The following ZNF483 variants were observed in gnomAD, a reference collection of about 807,000 sequenced individuals.
The protein encoded by ZNF483 is zinc finger protein 483.
A neutral mutation model predicts 28.6 loss-of-function variants in ZNF483; 9 were observed. That is an observed-to-expected ratio of 0.32 (90% confidence interval 0.19 to 0.55). ZNF483 has a LOEUF of 0.55. ZNF483 is among the 20% of genes least tolerant of loss of function. ZNF483 has a pLI of 0.93. For synonymous variants in ZNF483, 322 were observed against 306.2 expected, an observed-to-expected ratio of 1.05 and a Z score of -0.54; for missense variants, 675 against 871.7, an observed-to-expected ratio of 0.77 and a Z score of 2.84.
downstream of ZNF483, among the ~76,000 whole-genome samples, chr9:111,556,134 C>G (rs1199246181): frequency 6.6e-6 from 1 of 152,238 alleles, no homozygotes; most frequent in African/African-American, 2.4e-5. Context: ...GGGCTACAGG[C>G]CCCATGCAAG....
chr9:111,560,438 C>T (rs1169269897), intron 5 of ZNF483, among the ~76,000 whole-genome samples: 4 of 143,062 alleles, frequency 2.8e-5, no homozygotes, highest in Admixed American at 2.1e-4. Flanking sequence ...CAGGCCACTG[C>T]ACTCCAGCCT....
downstream of ZNF483, among the ~76,000 whole-genome samples, chr9:111,557,810 T>C (rs1828168053): frequency 2.0e-5 from 3 of 152,200 alleles, no homozygotes; most frequent in South Asian, 6.2e-4. Flanking sequence ...ACAACTTCTT[T>C]ACCCTTGGTA....
rs1827716624 is a variant in ZNF483 at position 111,543,260 on chromosome 9, C to G, written c.*90C>G. 6.8e-7 allele frequency: 1 copy of G among 1,474,508 alleles called. No homozygotes were observed. Among genetic ancestry groups the G allele is most frequent in the Non-Finnish European group, 8.9e-7 (1 of 1,119,722 alleles). 91.3% of individuals were successfully genotyped at this position (1,474,508 alleles called of 1,614,324 possible). ...GTAAACTTACAGTATTGATCAGTAG[C>G]TGCAGCTTTCGTAAATTGGCAGTTA... On this transcript the variant is annotated 3_prime_UTR_variant, in exon 6 of 6. Coordinates refer to ENST00000309235, the MANE Select transcript of ZNF483 (RefSeq NM_133464.5).
intron 5 of ZNF483, among the ~76,000 whole-genome samples, chr9:111,568,283 G>C (rs1045548289): frequency 6.6e-6 from 1 of 152,122 alleles, no homozygotes; most frequent in Non-Finnish European, 1.5e-5. Flanking sequence ...ATGCATTCCT[G>C]GGGGAGGTCT....
At chr9:111,529,726 G>T (rs1316569550) in intron 2 of ZNF483, among the ~76,000 whole-genome samples, 1 of 152,222 alleles carries the variant, frequency 6.6e-6, no homozygotes, top group Non-Finnish European at 1.5e-5. Flanking sequence ...TTTTATATGA[G>T]CTAAGAGGAA....
chr9:111,527,658 A>T lies in ZNF483; in HGVS notation c.263A>T (p.Lys88Ile). ...TGGCTGAGACCAGACATTCACACGA[A>T]AGAACAGATTTTAGAGCTTCTGGTG... ...NQWLRPDIHT[K>I]EQILELLVFE... Residue 88 changes from lysine (K) to isoleucine (I), a missense_variant, in exon 2 of 6, where the codon AAA (lysine) becomes ATA (isoleucine). Lys to Ile is a moderately radical substitution (Grantham distance 102). This residue lies in a region of ZNF483 where 525 missense variants were observed against 581.8 expected (regional missense o/e 0.90). Transcript: ENST00000309235. 6.2e-7 allele frequency: 1 copy of T among 1,614,154 alleles called. No individual in the cohort carries two copies. The highest frequency in any genetic ancestry group is 8.5e-7 in the Non-Finnish European group (1 of 1,180,040).
Position 111,551,400 on chromosome 9 carries a change from G to T in ZNF483, c.*8230G>T, listed in dbSNP as rs7468824. On this transcript the variant is annotated 3_prime_UTR_variant, in exon 6 of 6. Coordinates refer to ENST00000309235, the MANE Select transcript of ZNF483 (RefSeq NM_133464.5). ...TAACTGAATCAAGTATCCAGTTTTTGTTTTTTTTTTTTTTTTTTTTTTTTT... is the reference window on the plus strand; with the variant it reads ...TAACTGAATCAAGTATCCAGTTTTTTTTTTTTTTTTTTTTTTTTTTTTTTT... 0.012 allele frequency among the ~76,000 whole-genome samples: 869 copies of T among 74,670 alleles called. 19 individuals carry two copies. The highest frequency in any genetic ancestry group is 0.017 in the East Asian group (38 of 2,236). 49.0% of individuals were successfully genotyped at this position (74,670 alleles called of 152,430 possible).
chr9:111,561,125 AGAGAGAGAGAGAGGAGAGAGAGG>A, intron 5 of ZNF483, among the ~76,000 whole-genome samples: 1 of 60,754 alleles, frequency 1.6e-5, no homozygotes, highest in African/African-American at 1.0e-4. Context: ...AGAGAGAGAG[AGAGAGAGAGAGAGGAGAGAGAGG>A]GAGAGAGAGA....
chr9:111,551,183 A>G lies in ZNF483; in HGVS notation c.*8013A>G, dbSNP rs184915659. ...TTATTTCATCATGTAATCAATGTAA[A>G]AAAGTATTGAGACATTTTGTTTTTT... On this transcript the variant is annotated 3_prime_UTR_variant, in exon 6 of 6. Transcript: ENST00000309235. Among the ~76,000 whole-genome samples the G allele has an allele frequency of 1.7e-4, 26 of 152,304 alleles. No individual in the cohort carries two copies. The highest frequency in any genetic ancestry group is 1.6e-3 in the Admixed American group (24 of 15,298).
intron 2 of ZNF483, among the ~76,000 whole-genome samples, chr9:111,530,487 C>T (rs1264402379): frequency 9.2e-5 from 14 of 151,768 alleles, no homozygotes; most frequent in Non-Finnish European, 1.2e-4. Flanking sequence ...GGTCAAAAGC[C>T]CTGGAGGGTC....
intron 5 of ZNF483, 149 bp from the exon 6 acceptor site, chr9:111,541,508 G>T: frequency 1.7e-6 from 1 of 581,688 alleles, no homozygotes; most frequent in South Asian, 3.2e-5. Flanking sequence ...TCCCTATATT[G>T]CCTTTTCCTT....
chr9:111,573,583 G>T (rs1372073873), intron 5 of ZNF483, among the ~76,000 whole-genome samples: 3 of 150,370 alleles, frequency 2.0e-5, no homozygotes, highest in South Asian at 2.1e-4. Context: ...CTCCTTTTTT[G>T]GGGGGGGACC....
intron 3 of ZNF483, among the ~76,000 whole-genome samples, chr9:111,531,637 A>G (rs1019676516): frequency 6.6e-6 from 1 of 151,924 alleles, no homozygotes; most frequent in Non-Finnish European, 1.5e-5. Flanking sequence ...CAGCCTCCCA[A>G]AGTGCTGGGA....
At chr9:111,538,329 G>C (rs1326300336) in intron 5 of ZNF483, among the ~76,000 whole-genome samples, 1 of 151,982 alleles carries the variant, frequency 6.6e-6, no homozygotes, top group South Asian at 2.1e-4. Flanking sequence ...AGCCTGGGCA[G>C]CATAGTGAGA....
chr9:111,530,699 G>A (rs1379371263), intron 2 of ZNF483, among the ~76,000 whole-genome samples, 176 bp from the exon 3 acceptor site: 1 of 142,212 alleles, frequency 7.0e-6, no homozygotes, highest in Non-Finnish European at 1.5e-5. Flanking sequence ...GAATTATTTT[G>A]TGTTGTGAGT....
chr9:111,525,897 C>A (rs1350036250), intron 1 of ZNF483, among the ~76,000 whole-genome samples: 1 of 152,104 alleles, frequency 6.6e-6, no homozygotes, highest in Non-Finnish European at 1.5e-5. Context: ...ATGGTAGTTG[C>A]AATGCGAGGC....
At chr9:111,572,551 T>C (rs746951285) in intron 5 of ZNF483, among the ~76,000 whole-genome samples, 2 of 151,606 alleles carry the variant, frequency 1.3e-5, no homozygotes, top group African/African-American at 2.4e-5. Flanking sequence ...GATCGTGCCA[T>C]TGCACTCCAG....
rs1231236156 is a variant in ZNF483, at chr9:111,548,387, ATT to A, written c.*5220_*5221del. ...TCCTTGGTCAAGTTTATTCTTGAGT[ATT>A]TTATGTTTTTGATGCTGTTGTAAAT... On this transcript the variant is annotated 3_prime_UTR_variant, in exon 6 of 6. Coordinates refer to ENST00000309235, the MANE Select transcript of ZNF483 (RefSeq NM_133464.5). 6.6e-6 allele frequency among the ~76,000 whole-genome samples: 1 copy of A among 152,142 alleles called. No homozygotes were observed. The highest frequency in any genetic ancestry group is 1.5e-5 in the Non-Finnish European group (1 of 68,030).
intron 5 of ZNF483, among the ~76,000 whole-genome samples, chr9:111,567,221 C>T (rs937131428): frequency 6.6e-6 from 1 of 152,152 alleles, no homozygotes; most frequent in Non-Finnish European, 1.5e-5. Context: ...TGGAGTTGTA[C>T]TCTGTCACTG....
Sources: gnomAD v4.1 joint callset for allele counts (sites outside exome capture counted in the v4.1 genomes callset) on GRCh38, gnomAD v4.1.1 for gene constraint, gnomAD v4.1.1 regional missense constraint, MANE v1.5 for transcripts, NCBI Gene and HGNC (gene_info 2026-07-23, HGNC 2026-07-21) for gene names.